Variants in PTPRD observed in about 807,000 individuals in gnomAD.
PTPRD encodes receptor-type tyrosine-protein phosphatase delta.
In PTPRD, 34 loss-of-function variants were observed where a neutral mutation model predicts 214.5. That is an observed-to-expected ratio of 0.16 (90% confidence interval 0.12 to 0.21). The LOEUF (loss-of-function observed/expected upper bound fraction) is 0.21. Ranked by LOEUF, PTPRD falls within the 10% of genes least tolerant of loss-of-function variation. The pLI, the probability that PTPRD is intolerant of heterozygous loss-of-function variation, is 1.00. For missense variants in PTPRD, 2,545 were observed against 2,398.7 expected (o/e 1.06, Z -1.27); for synonymous variants, 1,128 against 845.7 (o/e 1.33, Z -5.79).
At chr9:10,195,977 G>C (rs2099396463) in intron 3 of PTPRD, among the ~76,000 whole-genome samples, 1 of 152,068 alleles carries the variant, frequency 6.6e-6, no homozygotes, top group Non-Finnish European at 1.5e-5. Flanking sequence ...TGAAATCAGT[G>C]GTTTCCAAGG....
rs113915243 is a variant in PTPRD, at chr9:9,493,958, C to G, written c.-237+80774G>C. On this transcript the variant is annotated intron_variant, in intron 8 of 45. Coordinates refer to ENST00000381196, the MANE Select transcript of PTPRD (RefSeq NM_002839.4). The stretch of plus-strand genomic sequence containing the variant: ...AATGCTATTAAGAACATTTGTAATT[C>G]ATGAGAGAAGGCCAAAATATCAACC... 4.2e-3 allele frequency among the ~76,000 whole-genome samples: 641 copies of G among 152,100 alleles called. 1 individual carries two copies. The highest frequency in any genetic ancestry group is 0.014 in the African/African-American group (574 of 41,486).
chr9:9,808,803 G>C (rs2046241099), intron 5 of PTPRD, among the ~76,000 whole-genome samples: 1 of 152,030 alleles, frequency 6.6e-6, no homozygotes, highest in Admixed American at 6.6e-5. Flanking sequence ...ACTGGGTCTT[G>C]CTTTGTTTTA....
intron 3 of PTPRD, among the ~76,000 whole-genome samples, chr9:10,339,789 T>C (rs150980940): frequency 2.6e-5 from 4 of 151,830 alleles, no homozygotes; most frequent in East Asian, 3.9e-4. Context: ...ATGATAGCAA[T>C]GTACAGATTA....
At chr9:10,466,886 C>T (rs1003852268) in intron 2 of PTPRD, among the ~76,000 whole-genome samples, 1 of 152,148 alleles carries the variant, frequency 6.6e-6, no homozygotes, top group Non-Finnish European at 1.5e-5. Flanking sequence ...AAATAATTTT[C>T]AGACTGGACT....
chr9:9,862,935 A>G (rs1162204411), intron 5 of PTPRD, among the ~76,000 whole-genome samples: 1 of 150,908 alleles, frequency 6.6e-6, no homozygotes, highest in Non-Finnish European at 1.5e-5. Flanking sequence ...AATTCACCTT[A>G]TTTCATAAAA....
chr9:10,074,691 G>C (rs988142153), intron 3 of PTPRD, among the ~76,000 whole-genome samples: 3 of 152,130 alleles, frequency 2.0e-5, no homozygotes, highest in African/African-American at 7.2e-5. Flanking sequence ...CTCTGATTTA[G>C]AGGAAAGAGT....
chr9:9,758,816 C>A (rs976307479), intron 6 of PTPRD, among the ~76,000 whole-genome samples: 1 of 140,226 alleles, frequency 7.1e-6, no homozygotes, highest in Non-Finnish European at 1.5e-5. Context: ...CTCTTGTGTA[C>A]AGGCAAGGGG....
chr9:9,274,987 ATTTG>A (rs1189249540), intron 9 of PTPRD, among the ~76,000 whole-genome samples: 2 of 134,146 alleles, frequency 1.5e-5, no homozygotes, highest in Admixed American at 1.7e-4. Context: ...AATTTATTTA[ATTTG>A]TTTAACTCAA....
At chr9:10,467,558 C>G (rs752978688) in intron 2 of PTPRD, among the ~76,000 whole-genome samples, 1 of 152,078 alleles carries the variant, frequency 6.6e-6, no homozygotes, top group Non-Finnish European at 1.5e-5. Context: ...ATTACTTACA[C>G]AAAATTTTTA....
intron 3 of PTPRD, among the ~76,000 whole-genome samples, chr9:10,285,532 G>A (rs895587718): frequency 1.3e-5 from 2 of 151,478 alleles, no homozygotes; most frequent in African/African-American, 4.9e-5. Context: ...AAGGCTGCTT[G>A]GGTTGAACCC....
chr9:9,191,658 T>G (rs903603410), intron 9 of PTPRD, among the ~76,000 whole-genome samples: 1 of 152,086 alleles, frequency 6.6e-6, no homozygotes, highest in East Asian at 1.9e-4. Context: ...TTGAAAGCAA[T>G]GCTGTAACTC....
chr9:9,964,545 C>G (rs1030810144), intron 4 of PTPRD, among the ~76,000 whole-genome samples: 9 of 152,116 alleles, frequency 5.9e-5, no homozygotes, highest in African/African-American at 2.2e-4. Flanking sequence ...TCAGTGGAAA[C>G]GGGAGGAAAT....
At chr9:8,525,117 T>G in intron 17 of PTPRD, 82 bp from the exon 18 acceptor site, 1 of 1,185,160 alleles carries the variant, frequency 8.4e-7, no homozygotes, top group South Asian at 1.2e-5. Context: ...CTTAACAATA[T>G]GAAAAGCCCT....
At chr9:9,048,095 A>G (rs573337570) in intron 10 of PTPRD, among the ~76,000 whole-genome samples, 25 of 152,246 alleles carry the variant, frequency 1.6e-4, no homozygotes, top group African/African-American at 3.9e-4. Flanking sequence ...TAAAACTACA[A>G]TGTGATATCT....
At chr9:10,139,472 G>A (rs180953894) in intron 3 of PTPRD, among the ~76,000 whole-genome samples, 94 of 151,822 alleles carry the variant, frequency 6.2e-4, no homozygotes, top group African/African-American at 2.2e-3. Context: ...AAGATTCAAT[G>A]GTATTCCTAC....
chr9:9,547,755 T>C (rs2079133917), intron 8 of PTPRD, among the ~76,000 whole-genome samples: 1 of 150,458 alleles, frequency 6.6e-6, no homozygotes, highest in Admixed American at 6.7e-5. Context: ...TGATAAGAGC[T>C]ATAAAACCAA....
intron 11 of PTPRD, among the ~76,000 whole-genome samples, chr9:8,806,817 C>T (rs1191985340): frequency 6.6e-6 from 1 of 152,132 alleles, no homozygotes; most frequent in Non-Finnish European, 1.5e-5. Context: ...AAATTAAGTA[C>T]TCAAACACAC....
intron 3 of PTPRD, among the ~76,000 whole-genome samples, chr9:10,076,644 A>G (rs1772842810): frequency 6.6e-6 from 1 of 152,100 alleles, no homozygotes; most frequent in African/African-American, 2.4e-5. Context: ...AGCCTTGCCT[A>G]GGCTGAAGTG....
chr9:10,489,676 G>A (rs2099154779), intron 2 of PTPRD, among the ~76,000 whole-genome samples: 1 of 152,106 alleles, frequency 6.6e-6, no homozygotes, highest in African/African-American at 2.4e-5. Context: ...CTCAAGTTCG[G>A]ACCACTGGGA....
Sources: allele counts gnomAD v4.1 joint callset (sites outside exome capture counted in the v4.1 genomes callset), GRCh38; gene constraint gnomAD v4.1.1; transcripts MANE v1.5; gene names NCBI Gene and HGNC (gene_info 2026-07-23, HGNC 2026-07-21).